CCSER1: variants seen among roughly 807,000 people sequenced by gnomAD.
CCSER1 encodes serine-rich coiled-coil domain-containing protein 1.
Under a neutral mutation model 82.0 loss-of-function variants are expected in CCSER1, and 41 were observed. The ratio of observed to expected loss-of-function variants is 0.50; its 90% CI spans 0.39 to 0.65. The LOEUF is 0.65. CCSER1 is among the 30% of genes least tolerant of loss of function. CCSER1 has a pLI of 0.00. For missense variants in CCSER1, 1,119 were observed against 1,064.2 expected (o/e 1.05, Z -0.72); for synonymous variants, 414 against 383.9 (o/e 1.08, Z -0.92).
intron 10 of CCSER1, among the ~76,000 whole-genome samples, chr4:91,528,573 A>G (rs1186598660): frequency 6.6e-6 from 1 of 152,206 alleles, no homozygotes; most frequent in Non-Finnish European, 1.5e-5. Context: ...CAGATATGGC[A>G]TACAGATATA....
At chr4:90,737,963 G>A (rs1745932588) in intron 7 of CCSER1, among the ~76,000 whole-genome samples, 2 of 151,948 alleles carry the variant, frequency 1.3e-5, no homozygotes, top group African/African-American at 4.8e-5. Context: ...CCATCTATTT[G>A]TTAAATTTAT....
intron 10 of CCSER1, among the ~76,000 whole-genome samples, chr4:91,225,221 TAC>T (rs1188730877): frequency 4.2e-5 from 6 of 142,206 alleles, no homozygotes; most frequent in East Asian, 4.0e-4. Flanking sequence ...TATAATTGTA[TAC>T]AGTTATATAC....
intron 3 of CCSER1, among the ~76,000 whole-genome samples, chr4:90,350,671 C>T (rs1197329151): frequency 6.6e-6 from 1 of 151,974 alleles, no homozygotes; most frequent in Non-Finnish European, 1.5e-5. Flanking sequence ...GGAAGTAAAG[C>T]TACCATTTAT....
chr4:91,176,223 G>A (rs1299576526), intron 10 of CCSER1, among the ~76,000 whole-genome samples: 1 of 152,070 alleles, frequency 6.6e-6, no homozygotes, highest in African/African-American at 2.4e-5. Context: ...TTTGGTTACT[G>A]TAGTCTTGCA....
chr4:91,288,660 T>A (rs2149215469), intron 10 of CCSER1, among the ~76,000 whole-genome samples: 1 of 152,124 alleles, frequency 6.6e-6, no homozygotes, highest in Non-Finnish European at 1.5e-5. Flanking sequence ...ATTCTGTTGC[T>A]TCCTTCCTTT....
At chr4:90,428,884 A>T (rs1288147453) in intron 4 of CCSER1, among the ~76,000 whole-genome samples, 4 of 151,902 alleles carry the variant, frequency 2.6e-5, no homozygotes, top group Admixed American at 6.6e-5. Context: ...GAGCCTAAGG[A>T]GATATGACAA....
At chr4:90,412,075 C>T (rs890439522) in intron 4 of CCSER1, among the ~76,000 whole-genome samples, 5 of 151,880 alleles carry the variant, frequency 3.3e-5, no homozygotes, top group Non-Finnish European at 7.4e-5. Context: ...AAATGTCCAA[C>T]AATGATAGAC....
intron 6 of CCSER1, chr4:90,663,696 A>C (rs2149107395): frequency 6.3e-6 from 1 of 158,214 alleles, no homozygotes; most frequent in Admixed American, 6.5e-5. Flanking sequence ...ATTTTACAAT[A>C]TTTTAGTGAA....
intron 10 of CCSER1, among the ~76,000 whole-genome samples, chr4:91,352,102 C>A (rs1748508371): frequency 6.6e-6 from 1 of 152,140 alleles, no homozygotes; most frequent in Admixed American, 6.5e-5. Flanking sequence ...AACTAAAAAT[C>A]AACCAAAGGC....
chr4:91,294,217 A>T (rs933275275), intron 10 of CCSER1, among the ~76,000 whole-genome samples: 2 of 152,000 alleles, frequency 1.3e-5, no homozygotes, highest in Non-Finnish European at 2.9e-5. Flanking sequence ...TTTCTAAATC[A>T]TCAGCAATAT....
At chr4:90,418,003 T>G (rs1192466726) in intron 4 of CCSER1, among the ~76,000 whole-genome samples, 1 of 152,140 alleles carries the variant, frequency 6.6e-6, no homozygotes, top group Non-Finnish European at 1.5e-5. Flanking sequence ...CATACAGCAC[T>G]TAATTTTTGA....
chr4:91,146,744 T>G (rs1030978356), intron 10 of CCSER1, among the ~76,000 whole-genome samples: 1 of 152,202 alleles, frequency 6.6e-6, no homozygotes, highest in African/African-American at 2.4e-5. Flanking sequence ...CGTTGATAGT[T>G]TCCTTCATGG....
At chr4:90,916,017 A>G (rs1727333933) in intron 8 of CCSER1, among the ~76,000 whole-genome samples, 1 of 152,194 alleles carries the variant, frequency 6.6e-6, no homozygotes, top group South Asian at 2.1e-4. Flanking sequence ...ATAAAAGAGG[A>G]CACAAACAAA....
intron 9 of CCSER1, among the ~76,000 whole-genome samples, chr4:90,968,795 T>C (rs1303266925): frequency 6.6e-6 from 1 of 151,680 alleles, no homozygotes; most frequent in Admixed American, 6.6e-5. Context: ...CATAACACTA[T>C]GACAGAACAT....
chr4:90,293,398 A>T (rs1731283312), intron 1 of CCSER1, among the ~76,000 whole-genome samples: 1 of 151,542 alleles, frequency 6.6e-6, no homozygotes, highest in Non-Finnish European at 1.5e-5. Context: ...TATTTTTATC[A>T]GATACTAATT....
chr4:90,215,708 A>G (rs1389133871), intron 1 of CCSER1, among the ~76,000 whole-genome samples: 1 of 152,204 alleles, frequency 6.6e-6, no homozygotes, highest in Non-Finnish European at 1.5e-5. Context: ...CAATAATTTC[A>G]AAATATAGAA....
chr4:91,087,949 C>G (rs1723552235), intron 10 of CCSER1, among the ~76,000 whole-genome samples: 1 of 152,022 alleles, frequency 6.6e-6, no homozygotes, highest in Non-Finnish European at 1.5e-5. Flanking sequence ...AAAAACTGTT[C>G]TTTTCAAGTC....
At chr4:90,817,585 T>G (rs1759181154) in intron 8 of CCSER1, among the ~76,000 whole-genome samples, 1 of 152,108 alleles carries the variant, frequency 6.6e-6, no homozygotes, top group Non-Finnish European at 1.5e-5. Context: ...AGCATTTTAA[T>G]TTTGTGCTAT....
intron 10 of CCSER1, among the ~76,000 whole-genome samples, chr4:91,369,666 T>C (rs1477851495): frequency 9.4e-6 from 1 of 106,472 alleles, no homozygotes; most frequent in South Asian, 3.4e-4. Flanking sequence ...TGTAGCTTTT[T>C]TTTTTTTTTT....
Sources: gnomAD v4.1 joint callset for allele counts (sites outside exome capture counted in the v4.1 genomes callset) on GRCh38, gnomAD v4.1.1 for gene constraint, MANE v1.5 for transcripts, NCBI Gene and HGNC (gene_info 2026-07-23, HGNC 2026-07-21) for gene names.